The following CYP7B1 variants were observed in gnomAD, a reference collection of about 807,000 sequenced individuals.
The protein encoded by CYP7B1 is cytochrome P450 family 7 subfamily B member 1, also known as cytochrome P450 7B1.
CYP7B1 carries 29 observed loss-of-function variants against 42.7 expected under a neutral mutation model. The observed-to-expected ratio is 0.68, with a 90% confidence interval of 0.51 to 0.93. The LOEUF (loss-of-function observed/expected upper bound fraction) is 0.93, where lower values mean the gene tolerates loss of function less well. Ranked by LOEUF, CYP7B1 falls within the 40% of genes least tolerant of loss-of-function variation. The pLI, the probability that CYP7B1 is intolerant of heterozygous loss-of-function variation, is 0.00. For synonymous variants in CYP7B1, 235 were observed against 218.2 expected (o/e 1.08, Z -0.68); for missense variants, 655 against 600.5 (o/e 1.09, Z -0.95).
chr8:64,709,705 C>T (rs1159508637), intron 1 of CYP7B1, among the ~76,000 whole-genome samples: 2 of 151,956 alleles, frequency 1.3e-5, no homozygotes, highest in Non-Finnish European at 2.9e-5. Flanking sequence ...GTGTTACAAG[C>T]GCCAGAAAAA....
chr8:64,728,365 C>T (rs1320268300), intron 1 of CYP7B1, among the ~76,000 whole-genome samples: 1 of 152,158 alleles, frequency 6.6e-6, no homozygotes, highest in East Asian at 1.9e-4. Flanking sequence ...TATCTTACTG[C>T]TTCTCTCTAG....
intron 1 of CYP7B1, among the ~76,000 whole-genome samples, chr8:64,713,155 T>C (rs1807105943): frequency 6.6e-6 from 1 of 152,164 alleles, no homozygotes; most frequent in Admixed American, 6.5e-5. Flanking sequence ...GGTATATGTG[T>C]AGTATATGAG....
intron 1 of CYP7B1, among the ~76,000 whole-genome samples, chr8:64,734,629 A>G (rs760399427): frequency 6.6e-6 from 1 of 152,184 alleles, no homozygotes; most frequent in Non-Finnish European, 1.5e-5. Context: ...GGACATAAAC[A>G]TGCAAGCCAT....
chr8:64,647,176 A>G (rs145225020), intron 1 of CYP7B1, among the ~76,000 whole-genome samples: 1 of 152,154 alleles, frequency 6.6e-6, no homozygotes, highest in South Asian at 2.1e-4. Context: ...TGGTCAGTGG[A>G]GCAGTCAGAA....
chr8:64,688,941 T>TA lies in CYP7B1; in HGVS notation c.123-64403dup, dbSNP rs1806697797. Among the ~76,000 whole-genome samples the TA allele has an allele frequency of 3.3e-5, 5 of 151,920 alleles. No homozygotes were observed. In the South Asian group the frequency reaches 1.0e-3, roughly 32 times the overall value. On this transcript the variant is annotated intron_variant, in intron 1 of 5. Transcript: ENST00000310193. ...ACCCCATCTCAAAAATATAAATAAATAAAAAACAAAAATAAAAAATGTTAA... is the reference window on the plus strand; with the variant it reads ...ACCCCATCTCAAAAATATAAATAAATAAAAAAACAAAAATAAAAAATGTTAA...
In CYP7B1 at chr8:64,593,232, G is replaced by GGTGTGTGTGTGTGT. The variant is rs57590025; in HGVS notation, c.*3396_*3409dup. ...TGGTGGACTAAAGGCTAGGGCCCAG[G>GGTGTGTGTGTGTGT]GTGTGTGTGTGTGTGTGTGTGTGTG... On this transcript the variant is annotated 3_prime_UTR_variant, in exon 6 of 6. Coordinates refer to ENST00000310193, the MANE Select transcript of CYP7B1 (RefSeq NM_004820.5). Among the ~76,000 whole-genome samples the GGTGTGTGTGTGTGT allele has an allele frequency of 2.4e-5, 3 of 123,454 alleles. No homozygotes were observed. The highest frequency in any genetic ancestry group is 2.3e-4 in the East Asian group (1 of 4,334). 81.0% of individuals were successfully genotyped at this position (123,454 alleles called of 152,430 possible). A position where few individuals can be genotyped will look rare whatever the true frequency, so the allele number is the denominator to read the frequency against.
intron 1 of CYP7B1, among the ~76,000 whole-genome samples, chr8:64,752,707 TA>T (rs1387619314): frequency 6.6e-6 from 1 of 152,196 alleles, no homozygotes; most frequent in Non-Finnish European, 1.5e-5. Context: ...TGTAAGTCTA[TA>T]CATGTATGCC....
At chr8:64,690,493 G>A (rs1806722470) in intron 1 of CYP7B1, among the ~76,000 whole-genome samples, 1 of 152,102 alleles carries the variant, frequency 6.6e-6, no homozygotes, top group Admixed American at 6.5e-5. Flanking sequence ...CTTATTTACA[G>A]CCTTCTTTGA....
At chr8:64,739,579 T>C (rs1221951561) in intron 1 of CYP7B1, among the ~76,000 whole-genome samples, 1 of 152,148 alleles carries the variant, frequency 6.6e-6, no homozygotes. Flanking sequence ...TGTGGGACAA[T>C]TTCAAAATGT....
At chr8:64,611,854 T>C (rs78590918) in intron 4 of CYP7B1, among the ~76,000 whole-genome samples, 11,705 of 152,188 alleles carry the variant, frequency 0.077, 503 homozygotes, top group Non-Finnish European at 0.1. Flanking sequence ...AAGGTAGACT[T>C]GAGCATGATG....
Position 64,721,222 on chromosome 8 carries a change from G to T in CYP7B1, c.122+77244C>A, listed in dbSNP as rs117566536. Among the ~76,000 whole-genome samples, 310 of 151,904 alleles carry T rather than the reference G, an allele frequency of 2.0e-3. 4 individuals carry two copies. In the East Asian group the frequency reaches 0.025, roughly 12 times the overall value. On this transcript the variant is annotated intron_variant, in intron 1 of 5. Transcript: ENST00000310193. Reference sequence around the variant, plus strand: ...AAACAGAAAAACAACACCTATCTTTGTCGAAATTACAAACAATTCTGTCAT... The same window carrying T: ...AAACAGAAAAACAACACCTATCTTTTTCGAAATTACAAACAATTCTGTCAT...
intron 1 of CYP7B1, among the ~76,000 whole-genome samples, chr8:64,700,492 A>T (rs1302156510): frequency 2.6e-5 from 4 of 152,114 alleles, no homozygotes; most frequent in Non-Finnish European, 5.9e-5. Context: ...TATGGGAAGT[A>T]CCATCTATTA....
chr8:64,780,552 T>C (rs1205476640), intron 1 of CYP7B1, among the ~76,000 whole-genome samples: 6 of 152,082 alleles, frequency 3.9e-5, no homozygotes, highest in Admixed American at 1.3e-4. Flanking sequence ...CAAATACTTC[T>C]ACATTGAAAA....
intron 1 of CYP7B1, among the ~76,000 whole-genome samples, chr8:64,755,830 T>C (rs1807800081): frequency 6.6e-6 from 1 of 152,214 alleles, no homozygotes; most frequent in Non-Finnish European, 1.5e-5. Flanking sequence ...GGTCTACTAA[T>C]GGAAAGAATG....
intron 1 of CYP7B1, among the ~76,000 whole-genome samples, chr8:64,634,344 C>T (rs920068411): frequency 1.3e-5 from 2 of 151,806 alleles, no homozygotes; most frequent in African/African-American, 4.8e-5. Flanking sequence ...GCAAGGTGGG[C>T]AGATCACCTG....
chr8:64,780,240 G>A (rs1451971441), intron 1 of CYP7B1, among the ~76,000 whole-genome samples: 1 of 151,990 alleles, frequency 6.6e-6, no homozygotes, highest in African/African-American at 2.4e-5. Flanking sequence ...ATTGGAAAAA[G>A]ATAACAATTA....
downstream of CYP7B1, among the ~76,000 whole-genome samples, chr8:64,587,083 G>C (rs1804978099): frequency 6.6e-6 from 1 of 152,214 alleles, no homozygotes; most frequent in Non-Finnish European, 1.5e-5. Context: ...AACAGGGCTG[G>C]GTAGGATAAC....
At chr8:64,621,910 AT>A (rs879613313) in intron 2 of CYP7B1, among the ~76,000 whole-genome samples, 527 of 136,094 alleles carry the variant, frequency 3.9e-3, no homozygotes, top group Admixed American at 4.0e-3. Context: ...TAATTTTTGT[AT>A]TTTTTTTTTT....
chr8:64,722,156 G>A (rs1453661492), intron 1 of CYP7B1, among the ~76,000 whole-genome samples: 1 of 152,194 alleles, frequency 6.6e-6, no homozygotes, highest in Non-Finnish European at 1.5e-5. Flanking sequence ...TCCTGAAAGT[G>A]AAGTTCCTTT....
Sources: gnomAD v4.1 joint callset for allele counts (sites outside exome capture counted in the v4.1 genomes callset) on GRCh38, gnomAD v4.1.1 for gene constraint, MANE v1.5 for transcripts, NCBI Gene and HGNC (gene_info 2026-07-23, HGNC 2026-07-21) for gene names.